The following FGF14 variants were observed in gnomAD, a reference collection of about 807,000 sequenced individuals.
FGF14 encodes fibroblast growth factor homologous factor 4.
A neutral mutation model predicts 25.5 loss-of-function variants in FGF14; 5 were observed. The ratio of observed to expected loss-of-function variants is 0.20; its 90% confidence interval spans 0.10 to 0.41. FGF14 has a LOEUF of 0.41. Ranked by LOEUF, FGF14 falls within the 10% of genes least tolerant of loss-of-function variation. FGF14 has a pLI of 1.00. For synonymous variants in FGF14, 138 were observed against 118.3 expected (o/e 1.17, Z -1.08); for missense variants, 222 against 320.1 (o/e 0.69, Z 2.34).
At chr13:101,835,347 A>G (rs1295243042) in intron 3 of FGF14, among the ~76,000 whole-genome samples, 1 of 152,034 alleles carries the variant, frequency 6.6e-6, no homozygotes, top group Non-Finnish European at 1.5e-5. Context: ...GGACAGTTGC[A>G]CATTTTTTCA....
intron 3 of FGF14, among the ~76,000 whole-genome samples, chr13:101,762,934 G>C (rs2038123455): frequency 2.6e-5 from 4 of 152,072 alleles, no homozygotes; most frequent in Admixed American, 2.6e-4. Flanking sequence ...ACTGCCATAG[G>C]GAATATCAGT....
rs113190145 is a variant in FGF14 at position 102,250,811 on chromosome 13, G to A, written c.208+150660C>T. Among the ~76,000 whole-genome samples, 619 of 152,250 alleles carry A rather than the reference G, an allele frequency of 4.1e-3. 6 individuals are homozygous for A. Among genetic ancestry groups the A allele is most frequent in the African/African-American group, 0.014 (599 of 41,540 alleles). ...TGGCATATTACTAAATCTCTATCCC[G>A]TAAAACATATTTAGGAATGCCTACA... On this transcript the variant is annotated intron_variant, in intron 1 of 4. Coordinates refer to the FGF14 transcript ENST00000376131.
In FGF14 at chr13:102,316,258, G is replaced by A. The variant is rs190175303; in HGVS notation, c.208+85213C>T. On this transcript the variant is annotated intron_variant, in intron 1 of 4. Coordinates refer to the FGF14 transcript ENST00000376131. ...CCAAGTTTTCATGGCATACTATCAT[G>A]TTACATACAATCAGTTGTGGGACAT... Among the ~76,000 whole-genome samples the A allele has an allele frequency of 8.7e-4, 133 of 152,294 alleles. 1 individual carries two copies. Among genetic ancestry groups the A allele is most frequent in the African/African-American group, 3.1e-3 (127 of 41,562 alleles).
At chr13:102,101,148 C>T (rs1189546655) in intron 1 of FGF14, among the ~76,000 whole-genome samples, 1 of 151,882 alleles carries the variant, frequency 6.6e-6, no homozygotes. Context: ...TGCCCCAAAT[C>T]ACACAGCTTT....
intron 1 of FGF14, among the ~76,000 whole-genome samples, chr13:101,935,537 C>T (rs534471465): frequency 6.6e-6 from 1 of 152,162 alleles, no homozygotes; most frequent in Non-Finnish European, 1.5e-5. Context: ...CACATGAGAT[C>T]TGATGGTTTT....
intron 1 of FGF14, among the ~76,000 whole-genome samples, chr13:102,007,932 A>G (rs774414965): frequency 5.3e-5 from 8 of 152,204 alleles, no homozygotes; most frequent in Non-Finnish European, 1.0e-4. Context: ...GTATAATACA[A>G]GAAGCTTTAG....
intron 1 of FGF14, among the ~76,000 whole-genome samples, chr13:102,120,702 ATT>A (rs10611209): frequency 0.047 from 6,645 of 140,078 alleles, 321 homozygotes; most frequent in African/African-American, 0.13. Context: ...TAGAAAAGTG[ATT>A]TTTTTTTTTT....
intron 1 of FGF14, among the ~76,000 whole-genome samples, chr13:102,129,701 G>T (rs150572717): frequency 1.3e-5 from 2 of 152,030 alleles, no homozygotes; most frequent in Admixed American, 6.5e-5. Flanking sequence ...ATGGGGGTAG[G>T]GGGGAGGGAT....
At chr13:102,368,675 CAAT>C (rs1189349078) in intron 1 of FGF14, among the ~76,000 whole-genome samples, 8 of 152,282 alleles carry the variant, frequency 5.3e-5, no homozygotes, top group African/African-American at 1.9e-4. Flanking sequence ...CCAATCCTGA[CAAT>C]AATGCCATGA....
intron 3 of FGF14, among the ~76,000 whole-genome samples, chr13:101,802,941 G>A (rs2040969799): frequency 6.6e-6 from 1 of 152,080 alleles, no homozygotes; most frequent in Admixed American, 6.6e-5. Context: ...GGAGAAACTG[G>A]AGCTCAGTGC....
intron 1 of FGF14, among the ~76,000 whole-genome samples, chr13:102,218,032 G>C (rs1044776079): frequency 6.6e-6 from 1 of 152,040 alleles, no homozygotes; most frequent in African/African-American, 2.4e-5. Flanking sequence ...AATTCTGCCC[G>C]TTTCAAGAGA....
chr13:101,998,946 C>T (rs1288195201), intron 1 of FGF14, among the ~76,000 whole-genome samples: 2 of 152,124 alleles, frequency 1.3e-5, no homozygotes, highest in Non-Finnish European at 2.9e-5. Context: ...AAAATACTTT[C>T]TAAAATCTCT....
At chr13:102,313,487 C>T (rs1240460295) in intron 1 of FGF14, among the ~76,000 whole-genome samples, 1 of 152,026 alleles carries the variant, frequency 6.6e-6, no homozygotes, top group Non-Finnish European at 1.5e-5. Context: ...ATGAAACAGT[C>T]CCGATTTTAC....
intron 1 of FGF14, among the ~76,000 whole-genome samples, chr13:101,927,061 C>T (rs1420102839): frequency 2.0e-5 from 3 of 152,098 alleles, no homozygotes; most frequent in African/African-American, 7.2e-5. Context: ...CTGCTCACCA[C>T]ATTTTTCTTT....
intron 1 of FGF14, among the ~76,000 whole-genome samples, chr13:102,132,972 T>A (rs893580399): frequency 3.3e-5 from 5 of 152,256 alleles, no homozygotes; most frequent in African/African-American, 1.2e-4. Flanking sequence ...CTTGCATTTA[T>A]CTCTGAAAAC....
intron 3 of FGF14, among the ~76,000 whole-genome samples, chr13:101,797,772 T>TGTGTGTGTGTGC (rs1555384576): frequency 0.088 from 12,771 of 145,530 alleles, 789 homozygotes; most frequent in Middle Eastern, 0.13. Flanking sequence ...TGTGTGTGTG[T>TGTGTGTGTGTGC]GTGTGTGTGT....
chr13:101,723,034 C>T, intron 4 of FGF14, 67 bp from the exon 5 acceptor site: 1 of 1,583,776 alleles, frequency 6.3e-7, no homozygotes, highest in Non-Finnish European at 8.7e-7. Flanking sequence ...ATGGTCCATC[C>T]ATACCTGCAT....
intron 1 of FGF14, among the ~76,000 whole-genome samples, chr13:102,303,587 C>T (rs183494312): frequency 6.6e-6 from 1 of 152,274 alleles, no homozygotes; most frequent in Non-Finnish European, 1.5e-5. Flanking sequence ...TTTGCAGGTA[C>T]TGTAAACTCC....
chr13:101,887,773 A>C (rs1247998183), intron 1 of FGF14, among the ~76,000 whole-genome samples: 2 of 152,206 alleles, frequency 1.3e-5, no homozygotes, highest in Admixed American at 1.3e-4. Context: ...TAAATGTTTG[A>C]GGCAATGGAT....
Sources: gnomAD v4.1 joint callset for allele counts (sites outside exome capture counted in the v4.1 genomes callset) on GRCh38, gnomAD v4.1.1 for gene constraint, MANE v1.5 for transcripts, NCBI Gene and HGNC (gene_info 2026-07-23, HGNC 2026-07-21) for gene names.